SMARCB1: variants seen among roughly 807,000 people sequenced by gnomAD.
SMARCB1 encodes the protein SWI/SNF-related matrix-associated actin-dependent regulator of chromatin subfamily B member 1.
In SMARCB1, 5 loss-of-function variants were observed where a neutral mutation model predicts 49.0. The ratio of observed to expected loss-of-function variants is 0.10; its 90% confidence interval spans 0.05 to 0.21. The LOEUF is 0.21. Among genes scored for constraint, SMARCB1 ranks in the 10% least tolerant of loss-of-function variants. The pLI is 1.00. For missense variants in SMARCB1, 226 were observed against 509.2 expected, an observed-to-expected ratio of 0.44 and a Z score of 5.35; for synonymous variants, 201 against 200.1, an observed-to-expected ratio of 1.00 and a Z score of -0.04.
Position 23,814,970 on chromosome 22 carries a change from C to CA in SMARCB1, c.629-1784dup, listed in dbSNP as rs61415327. ...GGGCAACAAGAGCAAAACTCCGTCT[C>CA]AAAAAAAAAAAAAAAAGGCAAAAGA... On this transcript the variant is annotated intron_variant, in intron 5 of 8. Transcript: ENST00000644036. The CA allele has an allele frequency of 8.0e-3, 594 of 73,862 alleles. 4 individuals carry two copies. Among genetic ancestry groups the CA allele is most frequent in the South Asian group, 0.021 (54 of 2,544 alleles). The allele number at this position is 73,862 out of a possible 1,614,324, so 4.6% of individuals were successfully genotyped here.
At chr22:23,829,355 C>T (rs1437233121) in intron 7 of SMARCB1, among the ~76,000 whole-genome samples, 12 of 152,154 alleles carry the variant, frequency 7.9e-5, no homozygotes, top group Admixed American at 7.9e-4. Flanking sequence ...CGAGAGGAGA[C>T]CAGGGACAGG....
intron 5 of SMARCB1, among the ~76,000 whole-genome samples, chr22:23,805,226 G>A (rs979802754): frequency 1.3e-5 from 2 of 152,176 alleles, no homozygotes; most frequent in African/African-American, 4.8e-5. Flanking sequence ...GGTGAGGGGG[G>A]ACGCCAGTGG....
At chr22:23,801,259 A>G (rs895455361) in intron 4 of SMARCB1, 178 bp downstream of exon 4, 7 of 904,320 alleles carry the variant, frequency 7.7e-6, no homozygotes, top group Admixed American at 6.0e-5. Flanking sequence ...CATTGTCCAT[A>G]GCCTCCTTGG....
At position 23,837,586 on chromosome 22, in the gene SMARCB1, C is replaced by A. The variant is rs570608450; in HGVS notation, c.*3406C>A. On this transcript the variant is annotated 3_prime_UTR_variant, in exon 9 of 9. Coordinates refer to ENST00000644036, the MANE Select transcript of SMARCB1 (RefSeq NM_003073.5). ...AACTCCAGCAAGGATGGGAGAGGGG[C>A]CCCAGGGCATAAGCAGCGTGTCCTG... 4.1e-5 allele frequency: 62 copies of A among 1,503,746 alleles called. No homozygotes were observed. Among genetic ancestry groups the A allele is most frequent in the Middle Eastern group, 2.0e-4 (1 of 5,080 alleles). 93.2% of individuals were successfully genotyped at this position (1,503,746 alleles called of 1,614,324 possible). A position where few individuals can be genotyped will look rare whatever the true frequency, so the allele number is the denominator to read the frequency against.
Position 23,834,711 on chromosome 22 carries a change from C to T in SMARCB1, c.*531C>T. ...GTAGCACCTCAGCTCCTCTCAGCTCCCCTCAGCCTGTTCTCCTTCCAGACC... is the reference window on the plus strand; with the variant it reads ...GTAGCACCTCAGCTCCTCTCAGCTCTCCTCAGCCTGTTCTCCTTCCAGACC... On this transcript the variant is annotated 3_prime_UTR_variant, in exon 9 of 9. Transcript: ENST00000644036. The T allele has an allele frequency of 4.4e-6, 6 of 1,377,060 alleles. No individual in the cohort carries two copies. The highest frequency in any genetic ancestry group is 2.4e-5 in the Admixed American group (1 of 41,284). The allele number at this position is 1,377,060 out of a possible 1,614,324, so 85.3% of individuals were successfully genotyped here. A position where few individuals can be genotyped will look rare whatever the true frequency, so the allele number is the denominator to read the frequency against.
chr22:23,801,517 G>A (rs1929153903), intron 4 of SMARCB1: 1 of 393,128 alleles, frequency 2.5e-6, no homozygotes, highest in East Asian at 6.5e-5. Context: ...CAGTTCTGGG[G>A]CCCAGGAGCC....
intron 7 of SMARCB1, chr22:23,826,080 G>GGA (rs1169262067): frequency 1.3e-5 from 2 of 152,762 alleles, no homozygotes; most frequent in Admixed American, 1.3e-4. Flanking sequence ...GATGGACCCG[G>GGA]GAGAGGCCCT....
rs1489567425 is a variant in SMARCB1 at position 23,836,915 on chromosome 22, A to C, written c.*2735A>C. ...ATGGGGTCCTGGCTGTTCCTCAGGGAGGGGCAGGTAATTGGGGTCTTCTGC... is the reference window on the plus strand; with the variant it reads ...ATGGGGTCCTGGCTGTTCCTCAGGGCGGGGCAGGTAATTGGGGTCTTCTGC... On this transcript the variant is annotated 3_prime_UTR_variant, in exon 9 of 9. Transcript: ENST00000644036. 6.5e-7 allele frequency: 1 copy of C among 1,526,880 alleles called. No individual in the cohort carries two copies. The highest frequency in any genetic ancestry group is 2.4e-5 in the East Asian group (1 of 42,116). 94.6% of individuals were successfully genotyped at this position (1,526,880 alleles called of 1,614,324 possible). A position where few individuals can be genotyped will look rare whatever the true frequency, so the allele number is the denominator to read the frequency against.
chr22:23,815,872 C>A (rs544830090), intron 5 of SMARCB1: 1 of 152,346 alleles, frequency 6.6e-6, no homozygotes, highest in East Asian at 1.9e-4. Context: ...CATGAATCTA[C>A]AATTACTTAA....
At position 23,809,243 on chromosome 22, in the gene SMARCB1, A is replaced by G. The variant is rs557163449; in HGVS notation, c.628+5821A>G. Reference sequence around the variant, plus strand: ...ATCTAGAATCCTGTACCCAGTGACAATATTGTTCAGGAATGAACGATATTG... The same window carrying G: ...ATCTAGAATCCTGTACCCAGTGACAGTATTGTTCAGGAATGAACGATATTG... On this transcript the variant is annotated intron_variant, in intron 5 of 8. Coordinates refer to ENST00000644036, the MANE Select transcript of SMARCB1 (RefSeq NM_003073.5). 2.3e-4 allele frequency among the ~76,000 whole-genome samples: 35 copies of G among 151,596 alleles called. 1 individual carries two copies. The highest frequency in any genetic ancestry group is 7.2e-4 in the Admixed American group (11 of 15,178).
intron 5 of SMARCB1, among the ~76,000 whole-genome samples, chr22:23,811,760 C>A (rs926487938): frequency 2.6e-5 from 4 of 152,038 alleles, no homozygotes; most frequent in African/African-American, 9.7e-5. Context: ...TTCCTCAAGT[C>A]GATAATCTAA....
intron 7 of SMARCB1, among the ~76,000 whole-genome samples, chr22:23,827,978 G>C (rs2030470748): frequency 6.6e-6 from 1 of 152,244 alleles, no homozygotes; most frequent in Non-Finnish European, 1.5e-5. Context: ...GGGCCAGTCA[G>C]CCCACAGAGA....
chr22:23,827,049 C>A (rs1363566381), intron 7 of SMARCB1, among the ~76,000 whole-genome samples: 2 of 152,212 alleles, frequency 1.3e-5, no homozygotes, highest in Non-Finnish European at 1.5e-5. Flanking sequence ...GGCCGGAGAG[C>A]CAGTCAAGGG....
At chr22:23,818,605 A>G (rs1032552319) in intron 6 of SMARCB1, 16 of 152,134 alleles carry the variant, frequency 1.1e-4, no homozygotes, top group African/African-American at 3.4e-4. Flanking sequence ...CCAGAATTCT[A>G]TCATCATGTA....
intron 5 of SMARCB1, among the ~76,000 whole-genome samples, chr22:23,812,859 G>C (rs992839673): frequency 7.5e-6 from 1 of 133,910 alleles, no homozygotes; most frequent in South Asian, 2.3e-4. Flanking sequence ...AAAAAGTCCT[G>C]TTGCTATTTT....
intron 6 of SMARCB1, among the ~76,000 whole-genome samples, chr22:23,820,522 C>T (rs1472517714): frequency 3.9e-5 from 6 of 152,162 alleles, no homozygotes; most frequent in Admixed American, 1.3e-4. Flanking sequence ...TGCAGTGAGC[C>T]GAGATGGTGC....
chr22:23,793,518 C>T (rs768065696), intron 2 of SMARCB1, 41 bp from the exon 3 acceptor site: 18 of 1,611,554 alleles, frequency 1.1e-5, no homozygotes, highest in African/African-American at 9.3e-5. Context: ...TGTGTGCCAC[C>T]GCCACCAGCA....
chr22:23,816,121 G>A (rs1043844440), intron 5 of SMARCB1: 1 of 154,742 alleles, frequency 6.5e-6, no homozygotes, highest in African/African-American at 2.4e-5. Context: ...AAGGCGTCTT[G>A]TCAGTACGGT....
intron 7 of SMARCB1, among the ~76,000 whole-genome samples, chr22:23,830,828 A>T (rs941924160): frequency 6.6e-6 from 1 of 151,640 alleles, no homozygotes; most frequent in Non-Finnish European, 1.5e-5. Flanking sequence ...CACCCAGCTA[A>T]TTTTTTGTTT....
Sources: gnomAD v4.1 joint callset for allele counts (sites outside exome capture counted in the v4.1 genomes callset) on GRCh38, gnomAD v4.1.1 for gene constraint, MANE v1.5 for transcripts, NCBI Gene and HGNC (gene_info 2026-07-23, HGNC 2026-07-21) for gene names.